Variants in RUNX1 observed in about 807,000 individuals in gnomAD.
The protein encoded by RUNX1 is RUNX family transcription factor 1, also known as runt-related transcription factor 1.
Under a neutral mutation model 42.8 loss-of-function variants are expected in RUNX1, and 19 were observed. The ratio of observed to expected loss-of-function variants is 0.44; its 90% CI spans 0.31 to 0.65. The LOEUF (loss-of-function observed/expected upper bound fraction) is 0.65. Ranked by LOEUF, RUNX1 falls within the 30% of genes least tolerant of loss-of-function variation. RUNX1 has a pLI of 0.07. For missense variants in RUNX1, 528 were observed against 672.0 expected, an observed-to-expected ratio of 0.79 and a Z score of 2.37; for synonymous variants, 271 against 289.4, an observed-to-expected ratio of 0.94 and a Z score of 0.64.
In RUNX1 at chr21:34,791,712, A is replaced by C. The variant is rs1300515505; in HGVS notation, c.*423T>G. 1.3e-5 allele frequency: 3 copies of C among 230,222 alleles called. No homozygotes were observed. Among genetic ancestry groups the C allele is most frequent in the East Asian group, 1.2e-4 (2 of 16,258 alleles). 14.3% of individuals were successfully genotyped at this position (230,222 alleles called of 1,614,324 possible). A position where few individuals can be genotyped will look rare whatever the true frequency, so the allele number is the denominator to read the frequency against. On this transcript the variant is annotated 3_prime_UTR_variant, in exon 9 of 9. Transcript: ENST00000675419. ...CTCCTCTCCCCCCACCCCAACCAAA[A>C]TTCCACACTCTTTGGAATAAACAAC...
chr21:34,965,045 T>G (rs1331890682), intron 2 of RUNX1, among the ~76,000 whole-genome samples: 1 of 152,096 alleles, frequency 6.6e-6, no homozygotes, highest in Non-Finnish European at 1.5e-5. Context: ...TACACACACA[T>G]GCTCACACAC....
intron 2 of RUNX1, among the ~76,000 whole-genome samples, chr21:35,010,228 C>T (rs1044348077): frequency 6.6e-5 from 10 of 151,972 alleles, no homozygotes; most frequent in African/African-American, 2.2e-4. Context: ...ATACCAATAG[C>T]AAGGCATTAT....
chr21:34,805,309 G>A (rs1242629155), intron 7 of RUNX1, among the ~76,000 whole-genome samples: 7 of 152,304 alleles, frequency 4.6e-5, no homozygotes, highest in Non-Finnish European at 8.8e-5. Context: ...AATACTTGAA[G>A]TATTAATGGC....
chr21:34,950,770 G>T (rs905434057), intron 2 of RUNX1, among the ~76,000 whole-genome samples: 1 of 152,148 alleles, frequency 6.6e-6, no homozygotes. Flanking sequence ...TGATGACTTA[G>T]TTACATTTCA....
At chr21:35,016,665 A>C (rs962197727) in intron 2 of RUNX1, among the ~76,000 whole-genome samples, 2 of 152,110 alleles carry the variant, frequency 1.3e-5, no homozygotes, top group African/African-American at 4.8e-5. Flanking sequence ...TCCAGGGGCT[A>C]GTGTAGTCAT....
rs771823558 is a variant in RUNX1, at chr21:34,880,651, T to G, written c.414A>C (p.Glu138Asp). Residue 138 changes from glutamate to aspartate, a missense_variant, in exon 5 of 9, where the codon GAA becomes GAC. Physicochemically the swap from Glu to Asp is conservative, Grantham distance 45 (BLOSUM62 2). Around this residue, in one of 3 missense-constraint regions of RUNX1, gnomAD observed 83 missense variants for 174.5 expected, o/e 0.48. Transcript: ENST00000675419. ...TLVTVMAGNDENYSAELRNAT... is the reference protein window; with the variant it reads ...TLVTVMAGNDDNYSAELRNAT... ...CATTTCTCAGCTCAGCCGAGTAGTT[T>G]TCATCATTGCCAGCCATCACAGTGA... is the stretch of plus-strand genomic sequence containing the variant. 1.2e-6 allele frequency: 2 copies of G among 1,614,118 alleles called. No homozygotes were observed. The highest frequency in any genetic ancestry group is 1.7e-6 in the Non-Finnish European group (2 of 1,180,014).
At chr21:34,919,286 T>A (rs752520322) in intron 2 of RUNX1, among the ~76,000 whole-genome samples, 3 of 152,202 alleles carry the variant, frequency 2.0e-5, no homozygotes, top group Non-Finnish European at 4.4e-5. Context: ...TGAAAAGTGA[T>A]GACCATGGAG....
intron 2 of RUNX1, among the ~76,000 whole-genome samples, chr21:35,005,663 C>G (rs2059078940): frequency 6.6e-6 from 1 of 152,172 alleles, no homozygotes; most frequent in Admixed American, 6.5e-5. Flanking sequence ...CTGGACCGAC[C>G]CTGATATACC....
At chr21:34,879,934 T>C (rs2057870235) in intron 5 of RUNX1, among the ~76,000 whole-genome samples, 1 of 152,164 alleles carries the variant, frequency 6.6e-6, no homozygotes, top group Non-Finnish European at 1.5e-5. Flanking sequence ...TCTAATATTA[T>C]TAGTATCTAA....
intron 7 of RUNX1, among the ~76,000 whole-genome samples, chr21:34,820,495 C>G (rs2056893075): frequency 6.6e-6 from 1 of 151,964 alleles, no homozygotes; most frequent in Admixed American, 6.6e-5. Context: ...ACTAAAAATA[C>G]AAATATATAT....
chr21:34,906,288 C>T (rs1022657799), intron 2 of RUNX1, among the ~76,000 whole-genome samples: 8 of 152,054 alleles, frequency 5.3e-5, no homozygotes, highest in African/African-American at 1.7e-4. Context: ...TGGGTTGGTT[C>T]GTCACTAGGA....
chr21:34,930,289 T>TATATATATATATAA lies in RUNX1; in HGVS notation c.59-37327_59-37326insTTATATATATATAT, dbSNP rs1555906453. 4.3e-4 allele frequency among the ~76,000 whole-genome samples: 59 copies of TATATATATATATAA among 137,306 alleles called. 1 individual carries two copies. Among genetic ancestry groups the TATATATATATATAA allele is most frequent in the African/African-American group, 1.8e-3 (58 of 31,964 alleles). The allele number at this position is 137,306 out of a possible 152,430, so 90.1% of individuals were successfully genotyped here. A position where few individuals can be genotyped will look rare whatever the true frequency, so the allele number is the denominator to read the frequency against. ...GTGTATGTATATATATATATATATA[T>TATATATATATATAA]ATAAATAAATAAATAAAATTTTACA... On this transcript the variant is annotated intron_variant, in intron 2 of 8. Coordinates refer to ENST00000675419, the MANE Select transcript of RUNX1 (RefSeq NM_001754.5).
intron 2 of RUNX1, among the ~76,000 whole-genome samples, chr21:34,937,030 G>A (rs2058490902): frequency 6.6e-6 from 1 of 152,010 alleles, no homozygotes; most frequent in Non-Finnish European, 1.5e-5. Flanking sequence ...TTGTATGACT[G>A]ACCTAGGCGT....
Position 34,792,254 on chromosome 21 carries a change from G to A in RUNX1, c.1324C>T (p.Leu442Phe), listed in dbSNP as rs1227184605. ...CTCTGGTTCGGGAGGCTGGGGTTGA[G>A]CAGCGCGGAGCCGGTGGAGGCGTTG... Reference protein sequence around the residue: ...CTNASTGSALLNPSLPNQSDV... With the variant: ...CTNASTGSALFNPSLPNQSDV... The change falls in exon 9 of 9, where the codon CTC (leucine) becomes TTC (phenylalanine). Residue 442 changes from leucine (L) to phenylalanine (F), a missense_variant. Coordinates refer to ENST00000675419, the MANE Select transcript of RUNX1 (RefSeq NM_001754.5). The surrounding 1 kb of genome is among the most constrained non-coding windows in gnomAD (Gnocchi z 6.9). 1.3e-6 allele frequency: 2 copies of A among 1,537,680 alleles called. No individual in the cohort carries two copies. The highest frequency in any genetic ancestry group is 1.4e-5 in the African/African-American group (1 of 73,090).
At chr21:34,937,996 C>T (rs546771724) in intron 2 of RUNX1, among the ~76,000 whole-genome samples, 4 of 152,088 alleles carry the variant, frequency 2.6e-5, no homozygotes, top group Non-Finnish European at 5.9e-5. Flanking sequence ...TTGAGGGCTT[C>T]GATAATGCAG....
chr21:35,033,442 C>T (rs1016661668), intron 2 of RUNX1, among the ~76,000 whole-genome samples: 2 of 152,184 alleles, frequency 1.3e-5, no homozygotes, highest in African/African-American at 2.4e-5. Flanking sequence ...AGGGAGCAAA[C>T]GCAGATGGAG....
In RUNX1 at chr21:34,787,975, G is replaced by A. The variant is rs1036957615; in HGVS notation, c.*4160C>T. 12 of 233,238 alleles carry A rather than the reference G, an allele frequency of 5.1e-5. No individual in the cohort carries two copies. Among genetic ancestry groups the A allele is most frequent in the Non-Finnish European group, 7.6e-5 (9 of 118,128 alleles). 14.4% of individuals were successfully genotyped at this position (233,238 alleles called of 1,614,324 possible). A position where few individuals can be genotyped will look rare whatever the true frequency, so the allele number is the denominator to read the frequency against. ...CGAATGCTCCCAGGAGAGGGGAGGC[G>A]GCCCACCCGACTGTGTACCGTGGAC... On this transcript the variant is annotated 3_prime_UTR_variant, in exon 9 of 9. Transcript: ENST00000675419.
In RUNX1 at chr21:34,858,782, G is replaced by A. The variant is rs191448529; in HGVS notation, c.613+692C>T. Among the ~76,000 whole-genome samples, 3 of 152,302 alleles carry A rather than the reference G, an allele frequency of 2.0e-5. No individual in the cohort carries two copies. In the East Asian group the frequency reaches 5.8e-4, roughly 29 times the overall value. The stretch of plus-strand genomic sequence containing the variant: ...GGGAAGGGTGTGGTTCTGGAAAAGA[G>A]CGTTACTCTGGTGTTTACTCAAAGA... On this transcript the variant is annotated intron_variant, in intron 6 of 8. Transcript: ENST00000675419.
At chr21:34,859,694 G>T (rs2057544250) in intron 5 of RUNX1, 116 bp from the exon 6 acceptor site, 1 of 897,524 alleles carries the variant, frequency 1.1e-6, no homozygotes, top group Non-Finnish European at 1.9e-6. Context: ...TACCAGTTTT[G>T]ACAACACTCC....
Sources: gnomAD v4.1 joint callset for allele counts (sites outside exome capture counted in the v4.1 genomes callset) on GRCh38, gnomAD v4.1.1 for gene constraint, gnomAD v4.1.1 regional missense constraint, Gnocchi (gnomAD v3.1) non-coding constraint, MANE v1.5 for transcripts, NCBI Gene and HGNC (gene_info 2026-07-23, HGNC 2026-07-21) for gene names.